The following ALDH4A1 variants were observed in gnomAD, a reference collection of about 807,000 sequenced individuals.
ALDH4A1 encodes the protein aldehyde dehydrogenase 4 family member A1, also known as delta-1-pyrroline-5-carboxylate dehydrogenase, mitochondrial.
In ALDH4A1, 46 loss-of-function variants were observed where a neutral mutation model predicts 70.5. That is an observed-to-expected ratio of 0.65 (90% CI 0.51 to 0.83). The LOEUF (loss-of-function observed/expected upper bound fraction) is 0.83. Among genes scored for constraint, ALDH4A1 ranks in the 40% least tolerant of loss-of-function variants. The pLI is 0.00. For missense variants in ALDH4A1, 749 were observed against 766.5 expected, an observed-to-expected ratio of 0.98 and a Z score of 0.27; for synonymous variants, 323 against 324.3, an observed-to-expected ratio of 1.00 and a Z score of 0.04.
Position 18,883,303 on chromosome 1 carries a change from G to A in ALDH4A1, c.579C>T (p.Asn193=). 6.2e-7 allele frequency: 1 copy of A among 1,613,298 alleles called. No homozygotes were observed. Among genetic ancestry groups the A allele is most frequent in the South Asian group, 1.1e-5 (1 of 91,086 alleles). The change falls in exon 6 of 15, where the codon AAC becomes AAT. Residue 193 remains asparagine (N), a synonymous_variant. Coordinates refer to ENST00000375341, the MANE Select transcript of ALDH4A1 (RefSeq NM_003748.4). The part of the protein sequence containing the change: ...QQPISVPPST[N]STVYRGLEGF... ...CCTCCAGACCCCGGTACACCGTGCTGTTGGTGCTCGGGGGCACGCTGATGG... is the reference window on the plus strand; with the variant it reads ...CCTCCAGACCCCGGTACACCGTGCTATTGGTGCTCGGGGGCACGCTGATGG...
In ALDH4A1 at chr1:18,877,631, G is replaced by A; in HGVS notation, c.941-19C>T. On this transcript the variant is annotated intron_variant, in intron 9 of 14. Transcript: ENST00000375341. ...CCGCACTCTACAGGGGTCGGGGGTG[G>A]GGAAATGACCAGAGGAGCTGGCTCC... is the stretch of plus-strand genomic sequence containing the variant. 2 of 684,358 alleles carry A rather than the reference G, an allele frequency of 2.9e-6. No homozygotes were observed. The highest frequency in any genetic ancestry group is 5.2e-6 in the Non-Finnish European group (2 of 383,678). 42.4% of individuals were successfully genotyped at this position (684,358 alleles called of 1,614,324 possible). A position where few individuals can be genotyped will look rare whatever the true frequency, so the allele number is the denominator to read the frequency against.
chr1:18,885,449 C>CCCCCCCCCCCCCCCCCCCCCCCCCCA, intron 5 of ALDH4A1, 24 bp downstream of exon 5: 3 of 1,297,354 alleles, frequency 2.3e-6, no homozygotes, highest in Non-Finnish European at 2.1e-6. Flanking sequence ...CCGCCCCACC[C>CCCCCCCCCCCCCCCCCCCCCCCCCCA]ACCCGGGCCC....
rs561761708 is a variant in ALDH4A1 at position 18,898,628 on chromosome 1, G to T, written c.62+3834C>A. 3.3e-5 allele frequency among the ~76,000 whole-genome samples: 5 copies of T among 152,334 alleles called. No individual in the cohort carries two copies. The highest frequency in any genetic ancestry group is 4.8e-5 in the African/African-American group (2 of 41,566). Reference sequence around the variant, plus strand: ...TTTAACACGCAGGACAATCCTATGAGGTGACTACTACTGTCATCTTTATTT... The same window carrying T: ...TTTAACACGCAGGACAATCCTATGATGTGACTACTACTGTCATCTTTATTT... On this transcript the variant is annotated intron_variant, in intron 1 of 14. Coordinates refer to ENST00000375341, the MANE Select transcript of ALDH4A1 (RefSeq NM_003748.4). This position sits in a 1 kb window ranked among gnomAD's most constrained non-coding sequence, Gnocchi z 4.3.
At position 18,875,399 on chromosome 1, in the gene ALDH4A1, T is replaced by C; in HGVS notation, c.1443A>G (p.Ala481=). 1 of 1,614,146 alleles carries C rather than the reference T, an allele frequency of 6.2e-7. No homozygotes were observed. The highest frequency in any genetic ancestry group is 1.3e-5 in the African/African-American group (1 of 75,038). Residue 481 remains alanine, a synonymous_variant, in exon 13 of 15, where the codon GCA becomes GCG. Transcript: ENST00000375341. ...DSTTSYGLTG[A]VFSQDKDVVQ... ...CCACTCACTTATCCTGGGAGAACAC[T>C]GCCCCCGTGAGGCCATAGCTGGTGG...
Position 18,881,799 on chromosome 1 carries a change from G to T in ALDH4A1, c.767C>A (p.Pro256His). Residue 256 changes from proline (P) to histidine (H), a missense_variant, in exon 8 of 15, where the codon CCC (proline) becomes CAC (histidine). Transcript: ENST00000375341. ...AGCTGGCACAAACTGGATGATGTTG[G>T]GGGGCAGGCCAGCCTCCCGAAGGAT... is the stretch of plus-strand genomic sequence containing the variant. ...YRILREAGLP[P>H]NIIQFVPADG... 1 of 1,614,012 alleles carries T rather than the reference G, an allele frequency of 6.2e-7. No homozygotes were observed. The highest frequency in any genetic ancestry group is 1.1e-5 in the South Asian group (1 of 91,080).
At position 18,902,528 on chromosome 1, in the gene ALDH4A1, G is replaced by A. The variant is rs564951853; in HGVS notation, c.-5C>T. The A allele has an allele frequency of 1.3e-6, 2 of 1,487,794 alleles. No homozygotes were observed. The highest frequency in any genetic ancestry group is 1.4e-5 in the African/African-American group (1 of 70,458). The allele number at this position is 1,487,794 out of a possible 1,614,324, so 92.2% of individuals were successfully genotyped here. A position where few individuals can be genotyped will look rare whatever the true frequency, so the allele number is the denominator to read the frequency against. On this transcript the variant is annotated 5_prime_UTR_variant, in exon 1 of 15. Transcript: ENST00000375341. ...CGCGGGCGCCGGCAGCAGCATCTCG[G>A]GTTAGAAGCGGGGCTGTTCGCTGGA...
intron 7 of ALDH4A1, chr1:18,882,458 C>T (rs1392706823): frequency 4.3e-6 from 2 of 469,378 alleles, no homozygotes; most frequent in South Asian, 1.5e-5. Context: ...GCACCTCCCC[C>T]ACAGGCCTGG....
chr1:18,896,124 T>C (rs1184391265), intron 1 of ALDH4A1, among the ~76,000 whole-genome samples: 2 of 152,134 alleles, frequency 1.3e-5, no homozygotes, highest in East Asian at 1.9e-4. Context: ...ATTCCTCTCA[T>C]AGCTCTAGAC....
chr1:18,891,856 C>T (rs548254892), intron 1 of ALDH4A1, among the ~76,000 whole-genome samples: 171 of 152,090 alleles, frequency 1.1e-3, no homozygotes, highest in African/African-American at 4.0e-3. Context: ...GGTAAAACCC[C>T]GTCTCTACTA....
intron 1 of ALDH4A1, among the ~76,000 whole-genome samples, chr1:18,899,862 A>G (rs1480199176): frequency 6.6e-6 from 1 of 152,212 alleles, no homozygotes; most frequent in Non-Finnish European, 1.5e-5. Context: ...TAGTTCATTC[A>G]TTCCCTAAAT....
rs963211500 is a variant in ALDH4A1, at chr1:18,872,768, G to A, written c.*77C>T. The A allele has an allele frequency of 2.8e-6, 3 of 1,068,452 alleles. No individual in the cohort carries two copies. The highest frequency in any genetic ancestry group is 1.6e-5 in the African/African-American group (1 of 64,440). 66.2% of individuals were successfully genotyped at this position (1,068,452 alleles called of 1,614,324 possible). On this transcript the variant is annotated 3_prime_UTR_variant, in exon 15 of 15. Coordinates refer to ENST00000375341, the MANE Select transcript of ALDH4A1 (RefSeq NM_003748.4). ...AGCTGTGCATGAAGAAGGGGTGGAG[G>A]GGCTGGAGTGGGGTCTGTGCAGTGA... is the stretch of plus-strand genomic sequence containing the variant.
intron 1 of ALDH4A1, among the ~76,000 whole-genome samples, chr1:18,892,579 C>T (rs576516723): frequency 1.1e-4 from 17 of 151,162 alleles, no homozygotes; most frequent in Non-Finnish European, 2.2e-4. Context: ...TGAGAGGGGC[C>T]TGCGTGGTAG....
At chr1:18,883,020 C>A in intron 7 of ALDH4A1, 104 bp downstream of exon 7, 1 of 1,489,870 alleles carries the variant, frequency 6.7e-7, no homozygotes, top group South Asian at 1.1e-5. Flanking sequence ...GTGCCTCTCC[C>A]CATGACTAGG....
At chr1:18,888,568 G>A (rs1021313291) in intron 3 of ALDH4A1, among the ~76,000 whole-genome samples, 1 of 152,242 alleles carries the variant, frequency 6.6e-6, no homozygotes, top group African/African-American at 2.4e-5. Context: ...AGACGCCTGC[G>A]GAGCTACAGG....
rs904704698 is a variant in ALDH4A1 at position 18,880,273 on chromosome 1, A to G, written c.867-900T>C. Among the ~76,000 whole-genome samples, 3 of 152,082 alleles carry G rather than the reference A, an allele frequency of 2.0e-5. No homozygotes were observed. The highest frequency in any genetic ancestry group is 2.9e-5 in the Non-Finnish European group (2 of 67,988). Reference sequence around the variant, plus strand: ...CCCGGGCGTCTGGCTGCCTCCAGGCATCTCCACCCAGATAACACCCGAAGT... The same window carrying G: ...CCCGGGCGTCTGGCTGCCTCCAGGCGTCTCCACCCAGATAACACCCGAAGT... On this transcript the variant is annotated intron_variant, in intron 8 of 14. Transcript: ENST00000375341. This position sits in a 1 kb window ranked among gnomAD's most constrained non-coding sequence, Gnocchi z 5.1.
chr1:18,902,540 G>C lies in ALDH4A1; in HGVS notation c.-17C>G. On this transcript the variant is annotated 5_prime_UTR_variant, in exon 1 of 15. Coordinates refer to ENST00000375341, the MANE Select transcript of ALDH4A1 (RefSeq NM_003748.4). ...CAGCAGCATCTCGGGTTAGAAGCGG[G>C]GCTGTTCGCTGGATCGTCCGCCCGG... 2 of 1,485,002 alleles carry C rather than the reference G, an allele frequency of 1.3e-6. No individual in the cohort carries two copies. Among genetic ancestry groups the C allele is most frequent in the Non-Finnish European group, 1.8e-6 (2 of 1,117,988 alleles). 92.0% of individuals were successfully genotyped at this position (1,485,002 alleles called of 1,614,324 possible). A position where few individuals can be genotyped will look rare whatever the true frequency, so the allele number is the denominator to read the frequency against.
At chr1:18,896,796 G>A (rs1382443317) in intron 1 of ALDH4A1, among the ~76,000 whole-genome samples, 1 of 152,134 alleles carries the variant, frequency 6.6e-6, no homozygotes, top group Non-Finnish European at 1.5e-5. Flanking sequence ...GGGAGGCTGA[G>A]GAAGAGGAAT....
chr1:18,873,779 TAGTA>T (rs1170636648), intron 14 of ALDH4A1, among the ~76,000 whole-genome samples: 2 of 152,164 alleles, frequency 1.3e-5, no homozygotes, highest in Non-Finnish European at 2.9e-5. Flanking sequence ...ACATGGGTAA[TAGTA>T]AGCACGCTTC....
chr1:18,893,508 T>C (rs1227515228), intron 1 of ALDH4A1, among the ~76,000 whole-genome samples: 1 of 152,098 alleles, frequency 6.6e-6, no homozygotes, highest in Non-Finnish European at 1.5e-5. Context: ...AGTAGCTTTT[T>C]TTTTTCTTTT....
Sources: allele counts gnomAD v4.1 joint callset (sites outside exome capture counted in the v4.1 genomes callset), GRCh38; gene constraint gnomAD v4.1.1; non-coding constraint Gnocchi (gnomAD v3.1); transcripts MANE v1.5; gene names NCBI Gene and HGNC (gene_info 2026-07-23, HGNC 2026-07-21).